SLC24A4: variants seen among roughly 807,000 people sequenced by gnomAD.
SLC24A4 encodes the protein solute carrier family 24 member 4, also known as sodium/potassium/calcium exchanger 4.
Under a neutral mutation model 79.0 loss-of-function variants are expected in SLC24A4, and 53 were observed. That is an observed-to-expected ratio of 0.67 (90% confidence interval 0.54 to 0.84). SLC24A4 has a LOEUF of 0.84. Among genes scored for constraint, SLC24A4 ranks in the 40% least tolerant of loss-of-function variants. The pLI is 0.00. For synonymous variants in SLC24A4, 323 were observed against 323.8 expected (o/e 1.00, Z 0.03); for missense variants, 731 against 822.0 (o/e 0.89, Z 1.35).
intron 12 of SLC24A4, among the ~76,000 whole-genome samples, chr14:92,459,472 G>C (rs990423129): frequency 6.6e-6 from 1 of 152,150 alleles, no homozygotes; most frequent in African/African-American, 2.4e-5. Flanking sequence ...TGCTAGATAG[G>C]GGCCCACCTT....
intron 2 of SLC24A4, among the ~76,000 whole-genome samples, chr14:92,401,766 C>G (rs1019598161): frequency 1.3e-5 from 2 of 152,150 alleles, no homozygotes; most frequent in African/African-American, 4.8e-5. Flanking sequence ...TGAGGTGTGT[C>G]TGCCCAGCCA....
At chr14:92,335,628 G>A (rs1221015670) in intron 2 of SLC24A4, among the ~76,000 whole-genome samples, 2 of 152,126 alleles carry the variant, frequency 1.3e-5, no homozygotes, top group Non-Finnish European at 2.9e-5. Flanking sequence ...CTCCCAAAGT[G>A]CTGGGATTAC....
rs1889534474 is a variant in SLC24A4 at position 92,392,520 on chromosome 14, G to A, written c.242-41392G>A. On this transcript the variant is annotated intron_variant, in intron 2 of 16. Coordinates refer to ENST00000532405, the MANE Select transcript of SLC24A4 (RefSeq NM_153646.4). The stretch of plus-strand genomic sequence containing the variant: ...AGCTTCTCATCTCTGCATCGTGGCG[G>A]CTAGAATCAGCCTTGTTTCTGATGA... Among the ~76,000 whole-genome samples, 4 of 152,126 alleles carry A rather than the reference G, an allele frequency of 2.6e-5. No homozygotes were observed. The South Asian group carries it at 6.2e-4, about 24-fold the overall frequency.
chr14:92,419,878 G>A (rs1891183421), intron 2 of SLC24A4, among the ~76,000 whole-genome samples: 2 of 152,180 alleles, frequency 1.3e-5, no homozygotes, highest in African/African-American at 4.8e-5. Flanking sequence ...GACCTTCATT[G>A]GAAATAGGGT....
intron 2 of SLC24A4, among the ~76,000 whole-genome samples, chr14:92,355,110 A>G (rs1887102477): frequency 6.6e-6 from 1 of 152,042 alleles, no homozygotes; most frequent in African/African-American, 2.4e-5. Context: ...AACAACACAA[A>G]TGTTAGATGC....
In SLC24A4 at chr14:92,353,720, T is replaced by C. The variant is rs1887011727; in HGVS notation, c.241+27742T>C. The stretch of plus-strand genomic sequence containing the variant: ...TTTTCTGTGTAGGCATTTAATCAGC[T>C]GTACCCTACTTGGGCTGTGTTGTCA... On this transcript the variant is annotated intron_variant, in intron 2 of 16. Coordinates refer to ENST00000532405, the MANE Select transcript of SLC24A4 (RefSeq NM_153646.4). The surrounding 1 kb of genome is among the most constrained non-coding windows in gnomAD (Gnocchi z 4.1). Among the ~76,000 whole-genome samples, 1 of 152,204 alleles carries C rather than the reference T, an allele frequency of 6.6e-6. No individual in the cohort carries two copies. Among genetic ancestry groups the C allele is most frequent in the African/African-American group, 2.4e-5 (1 of 41,438 alleles).
chr14:92,397,655 C>T (rs967117183), intron 2 of SLC24A4, among the ~76,000 whole-genome samples: 1 of 152,028 alleles, frequency 6.6e-6, no homozygotes, highest in Non-Finnish European at 1.5e-5. Context: ...GTGATGTGGC[C>T]AGTGTGAGAG....
intron 10 of SLC24A4, chr14:92,453,656 C>T (rs775143524): frequency 9.1e-6 from 4 of 441,296 alleles, no homozygotes; most frequent in Admixed American, 4.5e-5. Context: ...CAATTGCCCA[C>T]GAGTGGTCCT....
intron 2 of SLC24A4, among the ~76,000 whole-genome samples, chr14:92,396,267 A>T (rs1162797075): frequency 6.6e-6 from 1 of 152,176 alleles, no homozygotes; most frequent in Non-Finnish European, 1.5e-5. Flanking sequence ...TAGGCTTATC[A>T]TTTTGCTAGA....
rs1185533102 is a variant in SLC24A4 at position 92,323,567 on chromosome 14, G to T, written c.-264G>T. ...GGGCCGCCAGCGCCACCGTGCCGGC[G>T]TCGCCTCCTCGCCACGGAGCCATGG... On this transcript the variant is annotated 5_prime_UTR_variant, in exon 1 of 17. Coordinates refer to ENST00000532405, the MANE Select transcript of SLC24A4 (RefSeq NM_153646.4). The surrounding 1 kb of genome is among the most constrained non-coding windows in gnomAD (Gnocchi z 4.9). The T allele has an allele frequency of 3.5e-6, 1 of 283,382 alleles. No individual in the cohort carries two copies. Among genetic ancestry groups the T allele is most frequent in the Middle Eastern group, 9.9e-4 (1 of 1,012 alleles). The allele number at this position is 283,382 out of a possible 1,614,324, so 17.6% of individuals were successfully genotyped here. A position where few individuals can be genotyped will look rare whatever the true frequency, so the allele number is the denominator to read the frequency against.
chr14:92,400,612 T>G (rs73337429), intron 2 of SLC24A4, among the ~76,000 whole-genome samples: 10,826 of 152,170 alleles, frequency 0.071, 521 homozygotes, highest in East Asian at 0.18. Context: ...GAACCCCAGT[T>G]AGGCATGCCC....
chr14:92,348,629 G>T (rs1886680903), intron 2 of SLC24A4, among the ~76,000 whole-genome samples: 1 of 152,084 alleles, frequency 6.6e-6, no homozygotes. Context: ...CTCTTACTCT[G>T]TCCATTGATT....
chr14:92,371,781 A>G (rs1888172295), intron 2 of SLC24A4, among the ~76,000 whole-genome samples: 1 of 152,280 alleles, frequency 6.6e-6, no homozygotes, highest in Non-Finnish European at 1.5e-5. Flanking sequence ...CCACTTCAGT[A>G]TGATGGCAGA....
chr14:92,439,735 T>C (rs995040785), intron 4 of SLC24A4, among the ~76,000 whole-genome samples: 25 of 152,192 alleles, frequency 1.6e-4, no homozygotes, highest in African/African-American at 5.8e-4. Context: ...CCAGCTGCAG[T>C]GGAGCATTGC....
chr14:92,362,845 G>C (rs1052236723), intron 2 of SLC24A4, among the ~76,000 whole-genome samples: 1 of 152,192 alleles, frequency 6.6e-6, no homozygotes, highest in Non-Finnish European at 1.5e-5. Flanking sequence ...AGAGAGAGGC[G>C]GCAGCTCCGG....
intron 2 of SLC24A4, among the ~76,000 whole-genome samples, chr14:92,405,478 G>A (rs1011868615): frequency 6.6e-6 from 1 of 152,132 alleles, no homozygotes; most frequent in Non-Finnish European, 1.5e-5. Flanking sequence ...AGTTTGCAGG[G>A]TGTATTAGTC....
rs145027042 is a variant in SLC24A4, at chr14:92,472,866, G to C, written c.1256-9814G>C. On this transcript the variant is annotated intron_variant, in intron 12 of 16. Coordinates refer to ENST00000532405, the MANE Select transcript of SLC24A4 (RefSeq NM_153646.4). ...TAGTTCTTTAAGGAATCTCCACACT[G>C]TTTTCCATAGTGGTTGTCCTAGTTG... is the stretch of plus-strand genomic sequence containing the variant. Among the ~76,000 whole-genome samples the C allele has an allele frequency of 2.3e-3, 350 of 152,294 alleles. 1 individual carries two copies. The highest frequency in any genetic ancestry group is 3.4e-3 in the Middle Eastern group (1 of 294).
rs745675481 is a variant in SLC24A4 at position 92,439,305 on chromosome 14, G to A, written c.319-30G>A. ...TGCAGCTGCAGCAGGGACCCTCACC[G>A]ACCCTGCCTGTCTCCTCTCTCCTTT... On this transcript the variant is annotated intron_variant, in intron 3 of 16. Coordinates refer to ENST00000532405, the MANE Select transcript of SLC24A4 (RefSeq NM_153646.4). 3.7e-6 allele frequency: 6 copies of A among 1,601,026 alleles called. No individual in the cohort carries two copies. In the Admixed American group the frequency reaches 5.0e-5, roughly 13 times the overall value.
chr14:92,355,288 G>T (rs1214490324), intron 2 of SLC24A4, among the ~76,000 whole-genome samples: 1 of 152,122 alleles, frequency 6.6e-6, no homozygotes, highest in Non-Finnish European at 1.5e-5. Context: ...AGTGTGGCTG[G>T]AGCGGGGTGG....
Sources: allele counts gnomAD v4.1 joint callset (sites outside exome capture counted in the v4.1 genomes callset), GRCh38; gene constraint gnomAD v4.1.1; non-coding constraint Gnocchi (gnomAD v3.1); transcripts MANE v1.5; gene names NCBI Gene and HGNC (gene_info 2026-07-23, HGNC 2026-07-21).